Variants in SERPINI2 observed in about 807,000 individuals in gnomAD.
The protein encoded by SERPINI2 is serpin family I member 2.
Under a neutral mutation model 47.3 loss-of-function variants are expected in SERPINI2, and 48 were observed. The observed-to-expected ratio is 1.02, with a 90% CI of 0.81 to 1.29. The LOEUF (loss-of-function observed/expected upper bound fraction) is 1.29, where lower values mean the gene tolerates loss of function less well. SERPINI2 is among the 50% of genes most tolerant of loss of function. The pLI is 0.00. For missense variants in SERPINI2, 448 were observed against 456.9 expected, an observed-to-expected ratio of 0.98 and a Z score of 0.18; for synonymous variants, 135 against 149.3, an observed-to-expected ratio of 0.90 and a Z score of 0.70.
In SERPINI2 at chr3:167,471,570, G is replaced by T. The variant is rs758854483; in HGVS notation, c.247+18C>A. 9.9e-6 allele frequency: 16 copies of T among 1,609,930 alleles called. No homozygotes were observed. In the South Asian group the frequency reaches 1.3e-4, roughly 13 times the overall value. On this transcript the variant is annotated intron_variant, in intron 2 of 8. Transcript: ENST00000264677. ...CCATATCTTATCCAGTATAAGTAAG[G>T]AGATGTAAGAGTCTCACCAGCTGAG... is the stretch of plus-strand genomic sequence containing the variant.
intron 5 of SERPINI2, among the ~76,000 whole-genome samples, chr3:167,458,218 T>C (rs1749857780): frequency 6.6e-6 from 1 of 151,718 alleles, no homozygotes; most frequent in South Asian, 2.1e-4. Context: ...TACTGTACAT[T>C]GCTGTGTAGT....
At chr3:167,456,775 G>GC (rs1449942673) in intron 5 of SERPINI2, among the ~76,000 whole-genome samples, 2 of 152,160 alleles carry the variant, frequency 1.3e-5, no homozygotes, top group African/African-American at 4.8e-5. Flanking sequence ...GGAATTTAAT[G>GC]CGATATGATG....
At chr3:167,462,825 G>T (rs1750023077) in intron 5 of SERPINI2, among the ~76,000 whole-genome samples, 1 of 152,118 alleles carries the variant, frequency 6.6e-6, no homozygotes, top group Admixed American at 6.6e-5. Context: ...TGGCCCTAGA[G>T]TGGAGATGCT....
intron 8 of SERPINI2, among the ~76,000 whole-genome samples, chr3:167,445,307 C>T (rs1749441024): frequency 6.6e-6 from 1 of 152,136 alleles, no homozygotes; most frequent in African/African-American, 2.4e-5. Context: ...TGACTTTAAA[C>T]TTTTTCACTT....
In SERPINI2 at chr3:167,453,058, GAA is replaced by G. The variant is rs1414428268; in HGVS notation, c.867-27_867-26del. 4.5e-6 allele frequency: 6 copies of G among 1,325,882 alleles called. No individual in the cohort carries two copies. In the African/African-American group the frequency reaches 9.1e-5, roughly 20 times the overall value. The allele number at this position is 1,325,882 out of a possible 1,614,324, so 82.1% of individuals were successfully genotyped here. A position where few individuals can be genotyped will look rare whatever the true frequency, so the allele number is the denominator to read the frequency against. ...TCTGTTATTAAAAAAAAAAGAAAAA[GAA>G]AAGTCTTGAAACACTGCACATTTTT... On this transcript the variant is annotated intron_variant, in intron 5 of 8. Transcript: ENST00000264677.
exon 1 of SERPINI2, chr3:167,474,041 C>T (rs1280768903): frequency 9.4e-7 from 1 of 1,068,140 alleles, no homozygotes; most frequent in Non-Finnish European, 1.1e-6. Flanking sequence ...AATGTTACAA[C>T]TAAAATACGC....
intron 7 of SERPINI2, among the ~76,000 whole-genome samples, chr3:167,448,299 G>C (rs1264224439): frequency 6.6e-6 from 1 of 152,190 alleles, no homozygotes; most frequent in Non-Finnish European, 1.5e-5. Flanking sequence ...TTGGATCTGA[G>C]ATTTTGCATT....
chr3:167,469,172 T>C (rs1413823216), intron 2 of SERPINI2: 1 of 152,316 alleles, frequency 6.6e-6, no homozygotes, highest in East Asian at 1.9e-4. Context: ...TCAAAAATTA[T>C]ATATCTCCTA....
chr3:167,458,610 T>C (rs1239808623), intron 5 of SERPINI2, among the ~76,000 whole-genome samples: 1 of 152,140 alleles, frequency 6.6e-6, no homozygotes, highest in Non-Finnish European at 1.5e-5. Context: ...ATTTTATCAA[T>C]AGGTGGTAAC....
In SERPINI2 at chr3:167,443,954, C is replaced by T. The variant is rs147725874; in HGVS notation, c.1142-1769G>A. ...TGCTTCCTTCCTAAATAGGTACCCCCATATTTAATCAATATATTTATACAA... is the reference window on the plus strand; with the variant it reads ...TGCTTCCTTCCTAAATAGGTACCCCTATATTTAATCAATATATTTATACAA... On this transcript the variant is annotated intron_variant, in intron 8 of 8. Transcript: ENST00000264677. 1.7e-3 allele frequency among the ~76,000 whole-genome samples: 264 copies of T among 152,178 alleles called. 1 individual carries two copies. Among genetic ancestry groups the T allele is most frequent in the African/African-American group, 6.3e-3 (261 of 41,538 alleles).
Position 167,459,093 on chromosome 3 carries a change from G to A in SERPINI2, c.867-6060C>T, listed in dbSNP as rs926301059. Among the ~76,000 whole-genome samples the A allele has an allele frequency of 6.3e-5, 4 of 63,366 alleles. No homozygotes were observed. The Admixed American group carries it at 6.9e-4, about 11-fold the overall frequency. 41.6% of individuals were successfully genotyped at this position (63,366 alleles called of 152,430 possible). ...GTTTTTTTTTGTTTTTTTTTTTTTT[G>A]AGACGGAGTCTCGCTCTGTCGCCCA... On this transcript the variant is annotated intron_variant, in intron 5 of 8. Coordinates refer to ENST00000264677, the Ensembl canonical transcript of SERPINI2.
chr3:167,471,042 G>T (rs779533987), intron 2 of SERPINI2, among the ~76,000 whole-genome samples: 1 of 151,904 alleles, frequency 6.6e-6, no homozygotes, highest in Non-Finnish European at 1.5e-5. Context: ...ACAAATTAAT[G>T]TTTTTTCTTG....
At chr3:167,441,946 A>G in exon 9 of SERPINI2, 1 of 487,102 alleles carries the variant, frequency 2.1e-6, no homozygotes, top group South Asian at 4.7e-5. Context: ...AAACAAATGC[A>G]TACCTAATTT....
At chr3:167,452,438 G>A (rs1428276873) in intron 6 of SERPINI2, among the ~76,000 whole-genome samples, 1 of 152,186 alleles carries the variant, frequency 6.6e-6, no homozygotes, top group Non-Finnish European at 1.5e-5. Flanking sequence ...CAGATATGTT[G>A]TCAGCCCAAA....
chr3:167,454,694 CA>C (rs373182526), intron 5 of SERPINI2, among the ~76,000 whole-genome samples: 7 of 152,090 alleles, frequency 4.6e-5, no homozygotes, highest in African/African-American at 1.7e-4. Flanking sequence ...CAGTCCTGCT[CA>C]TAATATAGTC....
rs1749342475 is a variant in SERPINI2 at position 167,442,012 on chromosome 3, G to T, written c.*97C>A. On this transcript the variant is annotated 3_prime_UTR_variant, in exon 9 of 9. Coordinates refer to ENST00000264677, the Ensembl canonical transcript of SERPINI2. The stretch of plus-strand genomic sequence containing the variant: ...TACAGGCACAGTTTAAAACAGAAAA[G>T]ACATAAGATATAGAGCAAATATTGT... 6.8e-6 allele frequency: 6 copies of T among 882,980 alleles called. No homozygotes were observed. In the South Asian group the frequency reaches 8.1e-5, roughly 12 times the overall value. The allele number at this position is 882,980 out of a possible 1,614,324, so 54.7% of individuals were successfully genotyped here.
At chr3:167,446,811 T>A (rs1345958024) in intron 7 of SERPINI2, 1 of 162,506 alleles carries the variant, frequency 6.2e-6, no homozygotes, top group Non-Finnish European at 1.3e-5. Flanking sequence ...TTTATTTGCA[T>A]TATATGATTT....
chr3:167,447,637 T>C (rs1402975101), intron 7 of SERPINI2, among the ~76,000 whole-genome samples: 3 of 152,202 alleles, frequency 2.0e-5, no homozygotes, highest in African/African-American at 7.2e-5. Flanking sequence ...TGTCAATCAA[T>C]AATATGGCCT....
chr3:167,476,647 G>C (rs1750485455), upstream of SERPINI2, among the ~76,000 whole-genome samples: 1 of 151,984 alleles, frequency 6.6e-6, no homozygotes, highest in Admixed American at 6.6e-5. Context: ...AATTAGACTG[G>C]AAAAAATATG....
Sources: allele counts gnomAD v4.1 joint callset (sites outside exome capture counted in the v4.1 genomes callset), GRCh38; gene constraint gnomAD v4.1.1; transcripts MANE v1.5; gene names NCBI Gene and HGNC (gene_info 2026-07-23, HGNC 2026-07-21).